Variants in NOPCHAP1 observed in about 807,000 individuals in gnomAD.
NOPCHAP1 encodes NOP protein chaperone 1, also known as DNA damage-sensitive RNA 1.
NOPCHAP1 carries 13 observed loss-of-function variants against 14.0 expected under a neutral mutation model. The ratio of observed to expected loss-of-function variants is 0.93; its 90% CI spans 0.60 to 1.47. The LOEUF (loss-of-function observed/expected upper bound fraction) is 1.47. Ranked by LOEUF, NOPCHAP1 falls within the 40% of genes most tolerant of loss-of-function variation. The pLI is 0.00. For synonymous variants in NOPCHAP1, 78 were observed against 78.4 expected (o/e 1.00, Z 0.03); for missense variants, 230 against 226.9 (o/e 1.01, Z -0.09).
At position 105,005,280 on chromosome 12, in the gene NOPCHAP1, A is replaced by G. The variant is rs1873685184; in HGVS notation, c.*10584A>G. 6.6e-6 allele frequency: 1 copy of G among 152,264 alleles called. No homozygotes were observed. The highest frequency in any genetic ancestry group is 2.4e-5 in the African/African-American group (1 of 41,474). The allele number at this position is 152,264 out of a possible 1,614,324, so 9.4% of individuals were successfully genotyped here. On this transcript the variant is annotated 3_prime_UTR_variant, in exon 4 of 4. Coordinates refer to ENST00000552951, the MANE Select transcript of NOPCHAP1 (RefSeq NM_152318.3). ...AGCACAGATTTGTTGAAATGAAAGT[A>G]CACTTCACAGAGTGGGAGCAGGCTC...
Position 105,009,630 on chromosome 12 carries a change from T to C in NOPCHAP1, c.*14934T>C, listed in dbSNP as rs1873773645. 2 of 152,194 alleles carry C rather than the reference T, an allele frequency of 1.3e-5. No homozygotes were observed. The highest frequency in any genetic ancestry group is 2.9e-5 in the Non-Finnish European group (2 of 68,044). 9.4% of individuals were successfully genotyped at this position (152,194 alleles called of 1,614,324 possible). A position where few individuals can be genotyped will look rare whatever the true frequency, so the allele number is the denominator to read the frequency against. On this transcript the variant is annotated 3_prime_UTR_variant, in exon 4 of 4. Coordinates refer to ENST00000552951, the MANE Select transcript of NOPCHAP1 (RefSeq NM_152318.3). ...ATAAAAAGCTCCTATTGTTTTGAAA[T>C]ATGTTCCATCAGTACCTAGTTTATT...
chr12:104,993,625 A>C (rs1873429682), intron 3 of NOPCHAP1, among the ~76,000 whole-genome samples: 1 of 152,214 alleles, frequency 6.6e-6, no homozygotes, highest in African/African-American at 2.4e-5. Context: ...GCAGTGCGTC[A>C]CTGTGTATGG....
chr12:104,995,038 C>T lies in NOPCHAP1; in HGVS notation c.*342C>T, dbSNP rs573146459. 2.2e-5 allele frequency: 7 copies of T among 314,890 alleles called. No individual in the cohort carries two copies. Among genetic ancestry groups the T allele is most frequent in the African/African-American group, 1.1e-4 (5 of 44,148 alleles). 19.5% of individuals were successfully genotyped at this position (314,890 alleles called of 1,614,324 possible). On this transcript the variant is annotated 3_prime_UTR_variant, in exon 4 of 4. Transcript: ENST00000552951. Reference sequence around the variant, plus strand: ...GGAGACCTAAGGCTGCCTGATGTCCCATAGGTATGGTCTGATCTAAGGAGA... The same window carrying T: ...GGAGACCTAAGGCTGCCTGATGTCCTATAGGTATGGTCTGATCTAAGGAGA...
chr12:104,986,529 C>A, intron 1 of NOPCHAP1, 62 bp downstream of exon 1: 1 of 1,404,978 alleles, frequency 7.1e-7, no homozygotes, highest in Non-Finnish European at 9.6e-7. Flanking sequence ...GCGGCCGGTG[C>A]AGTTTGGGAG....
intron 3 of NOPCHAP1, among the ~76,000 whole-genome samples, chr12:104,993,415 G>T (rs1379985029): frequency 6.6e-6 from 1 of 152,136 alleles, no homozygotes; most frequent in African/African-American, 2.4e-5. Flanking sequence ...GGATCCAGGT[G>T]CTCAGTGTCC....
rs1357469557 is a variant in NOPCHAP1, at chr12:105,000,141, A to AAGTCTTG, written c.*5449_*5455dup. On this transcript the variant is annotated 3_prime_UTR_variant, in exon 4 of 4. Transcript: ENST00000552951. ...ACCGGTGCCCACATAGATAGTCCCC[A>AAGTCTTG]AGTCTTGAGTATGTGATACCTGGAA... The AAGTCTTG allele has an allele frequency of 6.6e-6, 1 of 152,124 alleles. No individual in the cohort carries two copies. Among genetic ancestry groups the AAGTCTTG allele is most frequent in the Non-Finnish European group, 1.5e-5 (1 of 68,004 alleles). The allele number at this position is 152,124 out of a possible 1,614,324, so 9.4% of individuals were successfully genotyped here.
In NOPCHAP1 at chr12:105,010,076, T is replaced by C. The variant is rs1873785759; in HGVS notation, c.*15380T>C. The C allele has an allele frequency of 6.6e-6, 1 of 152,222 alleles. No homozygotes were observed. Among genetic ancestry groups the C allele is most frequent in the African/African-American group, 2.4e-5 (1 of 41,452 alleles). The allele number at this position is 152,222 out of a possible 1,614,324, so 9.4% of individuals were successfully genotyped here. ...TTTTGTATCTCTGATAGAATTCTGC[T>C]GTGAATCCTTCAGGTCCTGGGCTTT... On this transcript the variant is annotated 3_prime_UTR_variant, in exon 4 of 4. Coordinates refer to ENST00000552951, the MANE Select transcript of NOPCHAP1 (RefSeq NM_152318.3).
intron 3 of NOPCHAP1, among the ~76,000 whole-genome samples, chr12:104,992,898 C>T (rs892435063): frequency 1.3e-5 from 2 of 152,068 alleles, no homozygotes; most frequent in Non-Finnish European, 2.9e-5. Context: ...AAAACTGGTC[C>T]CTGGTACCAA....
At position 104,996,723 on chromosome 12, in the gene NOPCHAP1, A is replaced by G. The variant is rs1412174138; in HGVS notation, c.*2027A>G. On this transcript the variant is annotated 3_prime_UTR_variant, in exon 4 of 4. Transcript: ENST00000552951. Reference sequence around the variant, plus strand: ...CAGTGGGGTGTTAAAGTCTCCCACTATTATCTAGCTCTCTTTGTAGGTCTC... The same window carrying G: ...CAGTGGGGTGTTAAAGTCTCCCACTGTTATCTAGCTCTCTTTGTAGGTCTC... 6.6e-6 allele frequency: 1 copy of G among 152,176 alleles called. No individual in the cohort carries two copies. The highest frequency in any genetic ancestry group is 1.5e-5 in the Non-Finnish European group (1 of 68,034). The allele number at this position is 152,176 out of a possible 1,614,324, so 9.4% of individuals were successfully genotyped here.
In NOPCHAP1 at chr12:105,004,402, C is replaced by G. The variant is rs1873667801; in HGVS notation, c.*9706C>G. 1 of 152,102 alleles carries G rather than the reference C, an allele frequency of 6.6e-6. No homozygotes were observed. The highest frequency in any genetic ancestry group is 1.5e-5 in the Non-Finnish European group (1 of 68,026). 9.4% of individuals were successfully genotyped at this position (152,102 alleles called of 1,614,324 possible). A position where few individuals can be genotyped will look rare whatever the true frequency, so the allele number is the denominator to read the frequency against. On this transcript the variant is annotated 3_prime_UTR_variant, in exon 4 of 4. Transcript: ENST00000552951. Reference sequence around the variant, plus strand: ...TGGCCAACGTGAATCCCCGTCTCTACTAAAAATATAAAAATTAGCTGGGCG... The same window carrying G: ...TGGCCAACGTGAATCCCCGTCTCTAGTAAAAATATAAAAATTAGCTGGGCG...
Position 105,015,435 on chromosome 12 carries a change from G to A in NOPCHAP1, c.*20739G>A, listed in dbSNP as rs1873927133. ...TAGACGGTTCCAGGCAGGAGAATAT[G>A]AAGATGTAATTTCAAGTACAGTTGT... On this transcript the variant is annotated 3_prime_UTR_variant, in exon 4 of 4. Transcript: ENST00000552951. The A allele has an allele frequency of 6.6e-6, 1 of 152,238 alleles. No homozygotes were observed. The highest frequency in any genetic ancestry group is 2.1e-4 in the South Asian group (1 of 4,832). 9.4% of individuals were successfully genotyped at this position (152,238 alleles called of 1,614,324 possible).
At position 105,014,563 on chromosome 12, in the gene NOPCHAP1, A is replaced by G. The variant is rs12582132; in HGVS notation, c.*19867A>G. ...ATTTTAAGAATTCCTTTCTAGTTTG[A>G]GTTGGAAAACTGATGCTTGTAGTGT... On this transcript the variant is annotated 3_prime_UTR_variant, in exon 4 of 4. Transcript: ENST00000552951. 6.6e-6 allele frequency: 1 copy of G among 152,168 alleles called. No homozygotes were observed. Among genetic ancestry groups the G allele is most frequent in the Admixed American group, 6.5e-5 (1 of 15,282 alleles). 9.4% of individuals were successfully genotyped at this position (152,168 alleles called of 1,614,324 possible).
chr12:105,014,662 ATT>A lies in NOPCHAP1; in HGVS notation c.*19978_*19979del, dbSNP rs35082344. 0.076 allele frequency: 11,194 copies of A among 148,002 alleles called. 453 individuals carry two copies. Among genetic ancestry groups the A allele is most frequent in the Middle Eastern group, 0.094 (27 of 286 alleles). The allele number at this position is 148,002 out of a possible 1,614,324, so 9.2% of individuals were successfully genotyped here. A position where few individuals can be genotyped will look rare whatever the true frequency, so the allele number is the denominator to read the frequency against. On this transcript the variant is annotated 3_prime_UTR_variant, in exon 4 of 4. Coordinates refer to ENST00000552951, the MANE Select transcript of NOPCHAP1 (RefSeq NM_152318.3). ...GGTTGGAAAGATCAGTTTTTAGTTG[ATT>A]TTTTTTTTTTTGTAAAGCAAAACTT... is the stretch of plus-strand genomic sequence containing the variant.
At chr12:104,992,496 CA>C (rs1873401122) in intron 3 of NOPCHAP1, among the ~76,000 whole-genome samples, 1 of 152,280 alleles carries the variant, frequency 6.6e-6, no homozygotes, top group South Asian at 2.1e-4. Context: ...GTCCGTTGTT[CA>C]CACAGTTTGG....
rs1322824547 is a variant in NOPCHAP1, at chr12:104,995,337, A to G, written c.*641A>G. On this transcript the variant is annotated 3_prime_UTR_variant, in exon 4 of 4. Transcript: ENST00000552951. ...CCCTTGAGAAATTTCTTTCATGCAT[A>G]TGGTGGCAGTGTCCAAAGAAACAAT... is the stretch of plus-strand genomic sequence containing the variant. 6.6e-6 allele frequency: 1 copy of G among 152,346 alleles called. No individual in the cohort carries two copies. Among genetic ancestry groups the G allele is most frequent in the Admixed American group, 6.5e-5 (1 of 15,284 alleles). 9.4% of individuals were successfully genotyped at this position (152,346 alleles called of 1,614,324 possible). A position where few individuals can be genotyped will look rare whatever the true frequency, so the allele number is the denominator to read the frequency against.
rs984816750 is a variant in NOPCHAP1 at position 104,991,947 on chromosome 12, G to A, written c.339+99G>A. 3 of 1,378,290 alleles carry A rather than the reference G, an allele frequency of 2.2e-6. No homozygotes were observed. The African/African-American group carries it at 4.4e-5, about 20-fold the overall frequency. The allele number at this position is 1,378,290 out of a possible 1,614,324, so 85.4% of individuals were successfully genotyped here. Reference sequence around the variant, plus strand: ...TTTATTTTCAAGTTTTCATTTTCCTGGTGTTAGCTCATGTTTCCAATGTTG... The same window carrying A: ...TTTATTTTCAAGTTTTCATTTTCCTAGTGTTAGCTCATGTTTCCAATGTTG... On this transcript the variant is annotated intron_variant, in intron 3 of 3. Transcript: ENST00000552951.
In NOPCHAP1 at chr12:105,000,001, C is replaced by G. The variant is rs1873578089; in HGVS notation, c.*5305C>G. ...TGGTGGCAGATGTTCCTTCTGGCTG[C>G]ATCTAGCTGATCATCTTGCCTCCAA... is the stretch of plus-strand genomic sequence containing the variant. On this transcript the variant is annotated 3_prime_UTR_variant, in exon 4 of 4. Coordinates refer to ENST00000552951, the MANE Select transcript of NOPCHAP1 (RefSeq NM_152318.3). The G allele has an allele frequency of 6.6e-6, 1 of 152,270 alleles. No individual in the cohort carries two copies. Among genetic ancestry groups the G allele is most frequent in the African/African-American group, 2.4e-5 (1 of 41,456 alleles). The allele number at this position is 152,270 out of a possible 1,614,324, so 9.4% of individuals were successfully genotyped here. A position where few individuals can be genotyped will look rare whatever the true frequency, so the allele number is the denominator to read the frequency against.
Position 105,008,205 on chromosome 12 carries a change from CATT to C in NOPCHAP1, c.*13510_*13512del, listed in dbSNP as rs1873745085. 6.6e-6 allele frequency: 1 copy of C among 151,912 alleles called. No homozygotes were observed. The highest frequency in any genetic ancestry group is 2.4e-5 in the African/African-American group (1 of 41,394). 9.4% of individuals were successfully genotyped at this position (151,912 alleles called of 1,614,324 possible). On this transcript the variant is annotated 3_prime_UTR_variant, in exon 4 of 4. Transcript: ENST00000552951. The stretch of plus-strand genomic sequence containing the variant: ...ATGATCGCCATTCTAACTGGTAACT[CATT>C]GTGGTTTTGATTTGCATTTCTCTAA...
intron 1 of NOPCHAP1, among the ~76,000 whole-genome samples, chr12:104,987,746 T>C (rs1873272443): frequency 6.6e-6 from 1 of 152,238 alleles, no homozygotes; most frequent in South Asian, 2.1e-4. Context: ...AAGCATGTTT[T>C]ACTAATGAAG....
Sources: gnomAD v4.1 joint callset for allele counts (sites outside exome capture counted in the v4.1 genomes callset) on GRCh38, gnomAD v4.1.1 for gene constraint, MANE v1.5 for transcripts, NCBI Gene and HGNC (gene_info 2026-07-23, HGNC 2026-07-21) for gene names.